The following TMEM233 variants were observed in gnomAD, a reference collection of about 807,000 sequenced individuals.
The protein encoded by TMEM233 is dispanin subfamily B member 2.
TMEM233 carries 6 observed loss-of-function variants against 11.2 expected under a neutral mutation model. That is an observed-to-expected ratio of 0.54 (90% CI 0.29 to 1.06). The LOEUF is 1.06. Among genes scored for constraint, TMEM233 ranks in the 50% least tolerant of loss-of-function variants. TMEM233 has a pLI of 0.08. For synonymous variants in TMEM233, 59 were observed against 55.8 expected (o/e 1.06, Z -0.26); for missense variants, 127 against 144.7 (o/e 0.88, Z 0.63).
chr12:119,647,730 C>T (rs2136822070), downstream of TMEM233, among the ~76,000 whole-genome samples: 1 of 152,204 alleles, frequency 6.6e-6, no homozygotes, highest in Non-Finnish European at 1.5e-5. Flanking sequence ...AGGTTTTAAG[C>T]CCTGCATGCA....
chr12:119,628,889 A>G (rs1189627001), intron 1 of TMEM233, among the ~76,000 whole-genome samples: 1 of 152,222 alleles, frequency 6.6e-6, no homozygotes, highest in African/African-American at 2.4e-5. Flanking sequence ...CCCTACAACA[A>G]AACTATATCA....
chr12:119,643,113 C>T (rs922890131), downstream of TMEM233: 4 of 152,220 alleles, frequency 2.6e-5, no homozygotes, highest in Non-Finnish European at 5.9e-5. Context: ...GGGTTCCCCA[C>T]CTTCCAGAGA....
chr12:119,621,162 C>T (rs1253828496), intron 1 of TMEM233, among the ~76,000 whole-genome samples: 2 of 152,028 alleles, frequency 1.3e-5, no homozygotes, highest in Non-Finnish European at 2.9e-5. Flanking sequence ...ATCCTCCCAC[C>T]TCAGCATCCC....
In TMEM233 at chr12:119,594,074, C is replaced by A; in HGVS notation, c.186+40C>A. The A allele has an allele frequency of 6.5e-7, 1 of 1,545,222 alleles. No individual in the cohort carries two copies. Among genetic ancestry groups the A allele is most frequent in the Non-Finnish European group, 8.7e-7 (1 of 1,143,280 alleles). ...GCCAGAGGCAGCCTGGGAGGAGAGA[C>A]CCGGGCGGCTTTGAGCCCCTGCAGG... On this transcript the variant is annotated intron_variant, in intron 1 of 2. Coordinates refer to ENST00000426426, the MANE Select transcript of TMEM233 (RefSeq NM_001136534.3). The surrounding 1 kb of genome is among the most constrained non-coding windows in gnomAD (Gnocchi z 5.6).
At chr12:119,614,699 A>C (rs1360364840) in intron 1 of TMEM233, among the ~76,000 whole-genome samples, 2 of 152,160 alleles carry the variant, frequency 1.3e-5, no homozygotes, top group African/African-American at 2.4e-5. Flanking sequence ...TTTTGAACAC[A>C]GAAACACTGT....
chr12:119,648,828 C>A, the TMEM233 span, among the ~76,000 whole-genome samples: 1 of 152,222 alleles, frequency 6.6e-6, no homozygotes, highest in East Asian at 1.9e-4. Flanking sequence ...ATCATCATAG[C>A]TTTATTTTTA....
chr12:119,644,736 C>T (rs1955129656), downstream of TMEM233, among the ~76,000 whole-genome samples: 1 of 152,188 alleles, frequency 6.6e-6, no homozygotes, highest in South Asian at 2.1e-4. Context: ...ACCTCGGCCT[C>T]CCAAAGTGCT....
chr12:119,614,815 T>G (rs955651168), intron 1 of TMEM233, among the ~76,000 whole-genome samples: 15 of 152,174 alleles, frequency 9.9e-5, no homozygotes, highest in African/African-American at 3.6e-4. Flanking sequence ...ATCAATTATA[T>G]GATGTACATA....
chr12:119,633,449 T>A (rs1278203412), intron 2 of TMEM233, among the ~76,000 whole-genome samples: 1 of 152,028 alleles, frequency 6.6e-6, no homozygotes, highest in African/African-American at 2.4e-5. Flanking sequence ...TAGCTGGGCA[T>A]GGTGGCACAC....
At chr12:119,614,731 T>C (rs1253249006) in intron 1 of TMEM233, among the ~76,000 whole-genome samples, 1 of 152,204 alleles carries the variant, frequency 6.6e-6, no homozygotes, top group Non-Finnish European at 1.5e-5. Context: ...TGTCCCACTC[T>C]CTGAGTCTCA....
intron 2 of TMEM233, among the ~76,000 whole-genome samples, chr12:119,638,850 G>A (rs1041737458): frequency 1.1e-4 from 16 of 152,124 alleles, no homozygotes; most frequent in South Asian, 8.3e-4. Flanking sequence ...CAGCCTGGGC[G>A]ATATACTGAG....
intron 1 of TMEM233, among the ~76,000 whole-genome samples, chr12:119,610,669 G>A (rs1954377497): frequency 6.6e-6 from 1 of 152,272 alleles, no homozygotes; most frequent in African/African-American, 2.4e-5. Flanking sequence ...TCTCTCTCCT[G>A]CTGTCCTGTA....
intron 1 of TMEM233, among the ~76,000 whole-genome samples, chr12:119,616,662 G>A (rs568250942): frequency 3.3e-4 from 50 of 152,270 alleles, no homozygotes; most frequent in Non-Finnish European, 6.6e-4. Flanking sequence ...AAATGTACAT[G>A]GGTGATATTG....
chr12:119,594,116 C>G lies in TMEM233; in HGVS notation c.186+82C>G. The G allele has an allele frequency of 7.2e-7, 1 of 1,391,288 alleles. No individual in the cohort carries two copies. Among genetic ancestry groups the G allele is most frequent in the East Asian group, 2.5e-5 (1 of 40,016 alleles). The allele number at this position is 1,391,288 out of a possible 1,614,324, so 86.2% of individuals were successfully genotyped here. On this transcript the variant is annotated intron_variant, in intron 1 of 2. Coordinates refer to ENST00000426426, the MANE Select transcript of TMEM233 (RefSeq NM_001136534.3). This position sits in a 1 kb window ranked among gnomAD's most constrained non-coding sequence, Gnocchi z 5.6. ...CCCTGCAGGGGAGTCCGCGCGCTCT[C>G]TGCGGCTCCCTTCCTCACGGCCCGG...
intron 1 of TMEM233, among the ~76,000 whole-genome samples, chr12:119,603,811 A>G (rs980038283): frequency 6.6e-6 from 1 of 152,242 alleles, no homozygotes; most frequent in African/African-American, 2.4e-5. Context: ...GAATGAATAA[A>G]TGAATTAATG....
chr12:119,638,898 A>T (rs1485917491), intron 2 of TMEM233, among the ~76,000 whole-genome samples: 2 of 151,564 alleles, frequency 1.3e-5, no homozygotes, highest in Admixed American at 6.6e-5. Flanking sequence ...ACAGGTGGAG[A>T]CATCCTTCTT....
intron 1 of TMEM233, among the ~76,000 whole-genome samples, chr12:119,626,559 G>A (rs562231661): frequency 7.4e-6 from 1 of 135,512 alleles, no homozygotes; most frequent in African/African-American, 2.9e-5. Context: ...GAGAAGAGAA[G>A]AGAAGAGAAG....
intron 1 of TMEM233, among the ~76,000 whole-genome samples, chr12:119,596,955 G>C (rs890862120): frequency 2.1e-4 from 32 of 152,196 alleles, no homozygotes; most frequent in African/African-American, 7.5e-4. Context: ...CAGATGTATA[G>C]ATTTGGAACC....
At chr12:119,615,799 T>C (rs1383461066) in intron 1 of TMEM233, among the ~76,000 whole-genome samples, 7 of 152,156 alleles carry the variant, frequency 4.6e-5, no homozygotes, top group African/African-American at 1.4e-4. Flanking sequence ...TGTTATGAAC[T>C]CTCAGAACAT....
Sources: gnomAD v4.1 joint callset for allele counts (sites outside exome capture counted in the v4.1 genomes callset) on GRCh38, gnomAD v4.1.1 for gene constraint, Gnocchi (gnomAD v3.1) non-coding constraint, MANE v1.5 for transcripts, NCBI Gene and HGNC (gene_info 2026-07-23, HGNC 2026-07-21) for gene names.